ATP6V0A4: variants seen among roughly 807,000 people sequenced by gnomAD.
ATP6V0A4 encodes ATPase H+ transporting V0 subunit a4.
ATP6V0A4 carries 86 observed loss-of-function variants against 107.3 expected under a neutral mutation model. The observed-to-expected ratio is 0.80, with a 90% CI of 0.67 to 0.96. The LOEUF (loss-of-function observed/expected upper bound fraction) is 0.96, where lower values mean the gene tolerates loss of function less well. Among genes scored for constraint, ATP6V0A4 ranks in the 40% least tolerant of loss-of-function variants. ATP6V0A4 has a pLI of 0.00. For missense variants in ATP6V0A4, 908 were observed against 1,045.6 expected (o/e 0.87, Z 1.81); for synonymous variants, 353 against 381.4 (o/e 0.93, Z 0.87).
At chr7:138,788,927 A>T (rs1369547005) in intron 1 of ATP6V0A4, among the ~76,000 whole-genome samples, 1 of 152,178 alleles carries the variant, frequency 6.6e-6, no homozygotes, top group African/African-American at 2.4e-5. Context: ...TTTTCTTTAC[A>T]AATTACCCAG....
At chr7:138,717,236 G>A (rs1044960206) in intron 19 of ATP6V0A4, among the ~76,000 whole-genome samples, 3 of 152,192 alleles carry the variant, frequency 2.0e-5, no homozygotes, top group African/African-American at 7.2e-5. Context: ...TGCATCTGCA[G>A]GAGGATGGAG....
chr7:138,736,143 G>GCA (rs1805311369), intron 15 of ATP6V0A4, among the ~76,000 whole-genome samples: 1 of 152,088 alleles, frequency 6.6e-6, no homozygotes, highest in Non-Finnish European at 1.5e-5. Context: ...CTGCTTGGAA[G>GCA]GCTGAAGCAG....
intron 3 of ATP6V0A4, among the ~76,000 whole-genome samples, chr7:138,769,718 C>T: frequency 6.6e-6 from 1 of 152,096 alleles, no homozygotes; most frequent in East Asian, 1.9e-4. Context: ...ACAGGCAAAA[C>T]ACACCTTAGT....
intron 20 of ATP6V0A4, among the ~76,000 whole-genome samples, chr7:138,713,190 A>C (rs1034965469): frequency 6.6e-6 from 1 of 151,136 alleles, no homozygotes; most frequent in Non-Finnish European, 1.5e-5. Context: ...CTGTAGTCCC[A>C]GCTACTCAGG....
At chr7:138,737,404 T>C (rs1805393449) in intron 15 of ATP6V0A4, among the ~76,000 whole-genome samples, 1 of 151,618 alleles carries the variant, frequency 6.6e-6, no homozygotes, top group Non-Finnish European at 1.5e-5. Context: ...TCCACCATCA[T>C]TGTGTGGCCT....
rs951718220 is a variant in ATP6V0A4, at chr7:138,771,016, G to A, written c.117+115C>T. 1.1e-5 allele frequency: 12 copies of A among 1,075,688 alleles called. No individual in the cohort carries two copies. In the South Asian group the frequency reaches 1.3e-4, roughly 11 times the overall value. The allele number at this position is 1,075,688 out of a possible 1,614,324, so 66.6% of individuals were successfully genotyped here. Reference sequence around the variant, plus strand: ...AAACTACAGAATTTCATCGATTCCAGCTCACGGCTCCTCTCCCTACAAAAT... The same window carrying A: ...AAACTACAGAATTTCATCGATTCCAACTCACGGCTCCTCTCCCTACAAAAT... On this transcript the variant is annotated intron_variant, in intron 3 of 21. Coordinates refer to ENST00000310018, the MANE Select transcript of ATP6V0A4 (RefSeq NM_020632.3).
At chr7:138,734,930 T>G (rs536596955) in intron 15 of ATP6V0A4, among the ~76,000 whole-genome samples, 1 of 152,108 alleles carries the variant, frequency 6.6e-6, no homozygotes, top group African/African-American at 2.4e-5. Context: ...ACTCTGAAAG[T>G]CTGTAGTGCT....
At chr7:138,778,002 G>A (rs948771540) in intron 2 of ATP6V0A4, among the ~76,000 whole-genome samples, 146 of 152,102 alleles carry the variant, frequency 9.6e-4, no homozygotes, top group African/African-American at 3.4e-3. Context: ...CAAAACTCAG[G>A]CACACAACAC....
Position 138,750,821 on chromosome 7 carries a change from C to T in ATP6V0A4, c.1030-1504G>A, listed in dbSNP as rs544568209. 3.4e-4 allele frequency among the ~76,000 whole-genome samples: 52 copies of T among 152,320 alleles called. 1 individual carries two copies. In the South Asian group the frequency reaches 8.7e-3, roughly 26 times the overall value. On this transcript the variant is annotated intron_variant, in intron 11 of 21. Transcript: ENST00000310018. ...TTGGACCATGATGTGGGGGCATCGA[C>T]TGTTTTGAGGAACAGTTTCTGTATT... is the stretch of plus-strand genomic sequence containing the variant.
In ATP6V0A4 at chr7:138,763,030, G is replaced by A. The variant is rs765475812; in HGVS notation, c.292-5C>T. The A allele has an allele frequency of 1.7e-5, 28 of 1,613,858 alleles. No homozygotes were observed. The highest frequency in any genetic ancestry group is 2.4e-5 in the Non-Finnish European group (28 of 1,179,986). On this transcript the variant is annotated splice_region_variant and splice_polypyrimidine_tract_variant and intron_variant, in intron 5 of 21. Transcript: ENST00000310018. ...TTCCAGTTTTTCTAGAACAGTCTAT[G>A]CAGGAAGGAAAAAGAAGGTAAGCCA...
At chr7:138,761,742 C>T (rs1183816939) in intron 7 of ATP6V0A4, among the ~76,000 whole-genome samples, 8 of 152,104 alleles carry the variant, frequency 5.3e-5, no homozygotes, top group Admixed American at 3.3e-4. Context: ...TGCAGTGGCA[C>T]GATCTTGGCT....
chr7:138,706,504 A>G lies in ATP6V0A4; in HGVS notation c.*120T>C, dbSNP rs1803372778. ...TGACGTCCAAATAATACACAGTTTC[A>G]TGCTTCAGGTGAGCCAAGAACAACC... On this transcript the variant is annotated 3_prime_UTR_variant, in exon 22 of 22. Coordinates refer to ENST00000310018, the MANE Select transcript of ATP6V0A4 (RefSeq NM_020632.3). The G allele has an allele frequency of 9.9e-6, 12 of 1,208,472 alleles. No homozygotes were observed. The highest frequency in any genetic ancestry group is 1.4e-5 in the Non-Finnish European group (12 of 843,014). The allele number at this position is 1,208,472 out of a possible 1,614,324, so 74.9% of individuals were successfully genotyped here. A position where few individuals can be genotyped will look rare whatever the true frequency, so the allele number is the denominator to read the frequency against.
Position 138,728,812 on chromosome 7 carries a change from C to A in ATP6V0A4, c.1959G>T (p.Trp653Cys), listed in dbSNP as rs748029854. 6.2e-7 allele frequency: 1 copy of A among 1,614,168 alleles called. No individual in the cohort carries two copies. Among genetic ancestry groups the A allele is most frequent in the Non-Finnish European group, 8.5e-7 (1 of 1,180,034 alleles). ...FVVMALISVP[W>C]MLLIKPFILR... ...GAATAAACGGCTTAATCAGAAGCAT[C>A]CACGGCACAGAAATCAAAGCCATAA... The change falls in exon 18 of 22, where the codon TGG becomes TGT. Residue 653 changes from tryptophan to cysteine, a missense_variant. By Grantham distance (215) the Trp-to-Cys change is radical. Transcript: ENST00000310018.
chr7:138,798,120 G>A lies in ATP6V0A4; in HGVS notation c.-207C>T, dbSNP rs1178597548. ...AGCCTCCAGCATGCAGCGCCTCCCC[G>A]CTGCCACCCGGGCCACCCTGATCCT... On this transcript the variant is annotated 5_prime_UTR_variant, in exon 1 of 22. Transcript: ENST00000310018. The A allele has an allele frequency of 1.3e-5, 21 of 1,600,052 alleles. No homozygotes were observed. The highest frequency in any genetic ancestry group is 2.7e-5 in the African/African-American group (2 of 74,658).
At chr7:138,744,856 C>A (rs961734170) in intron 14 of ATP6V0A4, among the ~76,000 whole-genome samples, 23 of 152,132 alleles carry the variant, frequency 1.5e-4, no homozygotes, top group Non-Finnish European at 4.4e-5. Context: ...GCACCTGCCA[C>A]CACATCTGGC....
chr7:138,760,444 C>CAAAAAAA (rs570463822), intron 7 of ATP6V0A4, among the ~76,000 whole-genome samples: 15 of 60,820 alleles, frequency 2.5e-4, no homozygotes, highest in African/African-American at 8.7e-4. Context: ...AACTCTGTCT[C>CAAAAAAA]AAAAAAAAAA....
rs768967518 is a variant in ATP6V0A4 at position 138,769,221 on chromosome 7, T to A, written c.148A>T (p.Lys50Ter). Residue 50 changes from lysine (K) to a stop codon, truncating the protein, a stop_gained, in exon 4 of 22, where the codon AAA (lysine) becomes TAA (stop). Transcript: ENST00000310018. LOFTEE classifies it high-confidence loss of function. ...LNMNVNSFQR[K>*]FVNEVRRCES... is the part of the protein sequence containing the mutation. ...CACCTTCTGACTTCATTCACAAATT[T>A]CCTTTGAAAGCTGTTCACATTCATA... 1 of 1,612,806 alleles carries A rather than the reference T, an allele frequency of 6.2e-7. No individual in the cohort carries two copies. The highest frequency in any genetic ancestry group is 1.7e-5 in the Admixed American group (1 of 60,002).
chr7:138,769,057 C>A (rs1807235006), intron 4 of ATP6V0A4, 116 bp downstream of exon 4: 2 of 1,581,532 alleles, frequency 1.3e-6, no homozygotes, highest in Admixed American at 3.6e-5. Context: ...CCTCTGGGAC[C>A]ACCTCAAAAA....
At chr7:138,771,372 A>C in intron 2 of ATP6V0A4, 108 bp from the exon 3 acceptor site, 3 of 1,270,130 alleles carry the variant, frequency 2.4e-6, no homozygotes, top group Non-Finnish European at 1.1e-6. Context: ...AAAAAAATCC[A>C]TTAGGAATCA....
Sources: allele counts gnomAD v4.1 joint callset (sites outside exome capture counted in the v4.1 genomes callset), GRCh38; gene constraint gnomAD v4.1.1; transcripts MANE v1.5; gene names NCBI Gene and HGNC (gene_info 2026-07-23, HGNC 2026-07-21).